ADCY3: variants seen among roughly 807,000 people sequenced by gnomAD.
ADCY3 encodes the protein adenylate cyclase type 3.
Under a neutral mutation model 119.4 loss-of-function variants are expected in ADCY3, and 70 were observed. That is an observed-to-expected ratio of 0.59 (90% CI 0.48 to 0.72). ADCY3 has a LOEUF of 0.72. Ranked by LOEUF, ADCY3 falls within the 30% of genes least tolerant of loss-of-function variation. ADCY3 has a pLI of 0.00. For missense variants in ADCY3, 1,238 were observed against 1,541.6 expected (o/e 0.80, Z 3.30); for synonymous variants, 672 against 621.4 (o/e 1.08, Z -1.21).
chr2:24,833,294 G>A (rs745978105), intron 11 of ADCY3, among the ~76,000 whole-genome samples: 3 of 152,128 alleles, frequency 2.0e-5, no homozygotes, highest in Non-Finnish European at 4.4e-5. Flanking sequence ...TACTCTTCCT[G>A]TGGCCCGTTC....
rs1202064287 is a variant in ADCY3, at chr2:24,820,482, C to T, written c.3252+242G>A. 11 of 1,394,858 alleles carry T rather than the reference C, an allele frequency of 7.9e-6. No individual in the cohort carries two copies. In the South Asian group the frequency reaches 1.1e-4, roughly 14 times the overall value. The allele number at this position is 1,394,858 out of a possible 1,614,324, so 86.4% of individuals were successfully genotyped here. A position where few individuals can be genotyped will look rare whatever the true frequency, so the allele number is the denominator to read the frequency against. ...ACAGATCACAAGGTATTAGAAGGTT[C>T]ATACCCAAAGGTAGGCCATATGCAT... is the stretch of plus-strand genomic sequence containing the variant. On this transcript the variant is annotated intron_variant, in intron 21 of 21. Transcript: ENST00000679454.
intron 17 of ADCY3, 38 bp from the exon 18 acceptor site, chr2:24,823,393 C>T (rs745923661): frequency 1.9e-6 from 3 of 1,596,906 alleles, no homozygotes; most frequent in Non-Finnish European, 1.7e-6. Context: ...AAAGCATGTC[C>T]GACTGACTGG....
chr2:24,821,546 T>G lies in ADCY3; in HGVS notation c.3098A>C (p.Gln1033Pro). ...GCGCAGCATGAAGTTATTGAAGGAC[T>G]GGTTGTTGATGTTGGTGAGCGTATC... ...MKDTLTNINN[Q>P]SFNNFMLRIG... is the part of the protein sequence containing the mutation. Residue 1033 changes from glutamine to proline, a missense_variant, in exon 20 of 22, where the codon CAG (glutamine) becomes CCG (proline). By Grantham distance (76) the Gln-to-Pro change is moderately conservative. Around this residue, in one of 7 missense-constraint regions of ADCY3, gnomAD observed 63 missense variants for 62.8 expected, o/e 1.00. Coordinates refer to ENST00000679454, the MANE Select transcript of ADCY3 (RefSeq NM_004036.5). The G allele has an allele frequency of 6.2e-7, 1 of 1,614,160 alleles. No individual in the cohort carries two copies. The highest frequency in any genetic ancestry group is 8.5e-7 in the Non-Finnish European group (1 of 1,180,032).
chr2:24,820,854 G>T lies in ADCY3; in HGVS notation c.3128-6C>A, dbSNP rs1159016293. On this transcript the variant is annotated splice_polypyrimidine_tract_variant and splice_region_variant and intron_variant, in intron 20 of 21. Coordinates refer to ENST00000679454, the MANE Select transcript of ADCY3 (RefSeq NM_004036.5). ...AACCCCGCCTTTGTTCATGCCTAGG[G>T]TAGAGGCATAAAGTTCAGCACAGCC... 1 of 1,613,696 alleles carries T rather than the reference G, an allele frequency of 6.2e-7. No homozygotes were observed. Among genetic ancestry groups the T allele is most frequent in the East Asian group, 2.2e-5 (1 of 44,878 alleles).
chr2:24,874,201 GT>G (rs1675367495), intron 2 of ADCY3, among the ~76,000 whole-genome samples: 1 of 152,180 alleles, frequency 6.6e-6, no homozygotes, highest in African/African-American at 2.4e-5. Context: ...GGCCCGTTGC[GT>G]GACGAATCAG....
chr2:24,910,641 T>C (rs897628413), intron 2 of ADCY3, among the ~76,000 whole-genome samples: 30 of 150,854 alleles, frequency 2.0e-4, no homozygotes, highest in Non-Finnish European at 4.0e-4. Context: ...TGCAATTTAA[T>C]ATTTCCTTTC....
chr2:24,879,324 A>C (rs1676096173), intron 2 of ADCY3, among the ~76,000 whole-genome samples: 1 of 151,740 alleles, frequency 6.6e-6, no homozygotes, highest in Non-Finnish European at 1.5e-5. Flanking sequence ...AAAATGCAAA[A>C]AGTTAGCCAG....
intron 9 of ADCY3, among the ~76,000 whole-genome samples, chr2:24,835,892 C>T (rs1404008198): frequency 5.3e-5 from 8 of 150,106 alleles, no homozygotes; most frequent in African/African-American, 2.0e-4. Flanking sequence ...GCCAAGATCG[C>T]GCCACTGCAC....
At position 24,820,776 on chromosome 2, in the gene ADCY3, G is replaced by C. The variant is rs1318927762; in HGVS notation, c.3200C>G (p.Thr1067Arg). The stretch of plus-strand genomic sequence containing the variant: ...CTCCATCCTGCTGGCTACATTGACT[G>C]TATTGCCCCAGATGTCGTAGTGTGG... Reference protein sequence around the residue: ...RKPHYDIWGNTVNVASRMEST... With the variant: ...RKPHYDIWGNRVNVASRMEST... Residue 1067 changes from threonine to arginine, a missense_variant, in exon 21 of 22, where the codon ACA (threonine) becomes AGA (arginine). Transcript: ENST00000679454. 4.3e-6 allele frequency: 7 copies of C among 1,614,104 alleles called. No homozygotes were observed. Among genetic ancestry groups the C allele is most frequent in the Admixed American group, 3.3e-5 (2 of 60,020 alleles).
intron 15 of ADCY3, among the ~76,000 whole-genome samples, chr2:24,826,962 A>C (rs1352016947): frequency 6.6e-6 from 1 of 152,218 alleles, no homozygotes; most frequent in East Asian, 1.9e-4. Flanking sequence ...ATGGTATCTC[A>C]CTAGGGTGTA....
Position 24,872,501 on chromosome 2 carries a change from C to A in ADCY3, c.825+69G>T. ...GGAGCCAGGGGCTGCCGCTCTGGTT[C>A]CTCTCCCTCTGACAAGGCCACAGTC... On this transcript the variant is annotated intron_variant, in intron 3 of 21. Coordinates refer to ENST00000679454, the MANE Select transcript of ADCY3 (RefSeq NM_004036.5). The surrounding 1 kb of genome is among the most constrained non-coding windows in gnomAD (Gnocchi z 4.4). The A allele has an allele frequency of 1.9e-6, 3 of 1,559,384 alleles. No individual in the cohort carries two copies. The South Asian group carries it at 3.6e-5, about 19-fold the overall frequency.
At chr2:24,833,312 G>A (rs374844373) in intron 11 of ADCY3, among the ~76,000 whole-genome samples, 4 of 152,120 alleles carry the variant, frequency 2.6e-5, no homozygotes, top group East Asian at 3.9e-4. Context: ...TTCCCAATGC[G>A]ATGCCTCCTC....
At chr2:24,879,840 C>T (rs13412941) in intron 2 of ADCY3, among the ~76,000 whole-genome samples, 48,559 of 151,950 alleles carry the variant, frequency 0.32, 7,956 homozygotes, top group South Asian at 0.39. Context: ...GCTACAGCCG[C>T]GGCACAGGGG....
chr2:24,900,389 T>C (rs1257363745), intron 2 of ADCY3, among the ~76,000 whole-genome samples: 4 of 151,332 alleles, frequency 2.6e-5, no homozygotes, highest in Non-Finnish European at 5.9e-5. Context: ...AACGTAAATG[T>C]TTATGTAGAC....
At chr2:24,865,390 C>T (rs1397039252) in intron 3 of ADCY3, among the ~76,000 whole-genome samples, 5 of 151,608 alleles carry the variant, frequency 3.3e-5, no homozygotes, top group African/African-American at 4.9e-5. Flanking sequence ...AGTTGTGAGT[C>T]GAAATTGTAC....
rs73923460 is a variant in ADCY3 at position 24,878,807 on chromosome 2, A to G, written c.676-6088T>C. On this transcript the variant is annotated intron_variant, in intron 2 of 21. Coordinates refer to ENST00000679454, the MANE Select transcript of ADCY3 (RefSeq NM_004036.5). This position sits in a 1 kb window ranked among gnomAD's most constrained non-coding sequence, Gnocchi z 4.0. ...TGCTGCAGTGGCTCCTTAAGTCCCT[A>G]TGAAATGTCCCTACCCCTCAGAGGC... Among the ~76,000 whole-genome samples, 249 of 152,236 alleles carry G rather than the reference A, an allele frequency of 1.6e-3. 1 individual carries two copies. The highest frequency in any genetic ancestry group is 5.2e-3 in the African/African-American group (217 of 41,546).
At chr2:24,836,694 T>C (rs1449583859) in intron 9 of ADCY3, among the ~76,000 whole-genome samples, 2 of 152,166 alleles carry the variant, frequency 1.3e-5, no homozygotes, top group Non-Finnish European at 2.9e-5. Flanking sequence ...GCTAAGCACC[T>C]CTTTTGACCT....
At chr2:24,856,679 G>A (rs1673038978) in intron 3 of ADCY3, among the ~76,000 whole-genome samples, 1 of 152,196 alleles carries the variant, frequency 6.6e-6, no homozygotes, top group African/African-American at 2.4e-5. Context: ...TAGACTAGGG[G>A]GCCCACGTGT....
chr2:24,851,827 G>A (rs1382564098), intron 3 of ADCY3, among the ~76,000 whole-genome samples: 1 of 152,112 alleles, frequency 6.6e-6, no homozygotes, highest in Non-Finnish European at 1.5e-5. Flanking sequence ...TCACCAACCA[G>A]GTCACCACAT....
Sources: allele counts gnomAD v4.1 joint callset (sites outside exome capture counted in the v4.1 genomes callset), GRCh38; gene constraint gnomAD v4.1.1; regional missense constraint gnomAD v4.1.1; non-coding constraint Gnocchi (gnomAD v3.1); transcripts MANE v1.5; gene names NCBI Gene and HGNC (gene_info 2026-07-23, HGNC 2026-07-21).